The following CAST variants were observed in gnomAD, a reference collection of about 807,000 sequenced individuals.
The protein encoded by CAST is MIR583 host.
CAST carries 76 observed loss-of-function variants against 119.6 expected under a neutral mutation model. The observed-to-expected ratio is 0.64, with a 90% CI of 0.53 to 0.77. The LOEUF is 0.77. CAST is among the 30% of genes least tolerant of loss of function. CAST has a pLI of 0.00. For missense variants in CAST, 953 were observed against 946.5 expected (o/e 1.01, Z -0.09); for synonymous variants, 319 against 331.6 (o/e 0.96, Z 0.41).
At chr5:96,456,895 T>C in the CAST span, among the ~76,000 whole-genome samples, 1 of 152,174 alleles carries the variant, frequency 6.6e-6, no homozygotes, top group Non-Finnish European at 1.5e-5. Flanking sequence ...TATAAGGGGC[T>C]TTTGCCCCTT....
At chr5:96,112,227 G>A in the CAST span, among the ~76,000 whole-genome samples, 1 of 151,980 alleles carries the variant, frequency 6.6e-6, no homozygotes, top group South Asian at 2.1e-4. Context: ...TCTGGGGAAA[G>A]CCAGTGGGAA....
the CAST span, among the ~76,000 whole-genome samples, chr5:96,094,827 G>A: frequency 3.3e-5 from 5 of 152,302 alleles, no homozygotes; most frequent in African/African-American, 1.2e-4. Flanking sequence ...GTTTGGACTT[G>A]TGTATTACAA....
chr5:96,436,807 G>T, the CAST span, among the ~76,000 whole-genome samples: 1 of 152,006 alleles, frequency 6.6e-6, no homozygotes. Context: ...TGATATTGGG[G>T]TTACCACTTA....
At chr5:96,317,066 A>T in the CAST span, among the ~76,000 whole-genome samples, 1 of 152,172 alleles carries the variant, frequency 6.6e-6, no homozygotes, top group Admixed American at 6.5e-5. Flanking sequence ...TAGTTAGATA[A>T]CATACACCGA....
At chr5:95,965,284 A>G in the CAST span, 1 of 152,140 alleles carries the variant, frequency 6.6e-6, no homozygotes, top group Admixed American at 6.5e-5. Flanking sequence ...TAAATCTCCT[A>G]ATATTTATTC....
chr5:96,582,516 G>A (rs976790891), intron 1 of CAST, among the ~76,000 whole-genome samples: 2 of 152,232 alleles, frequency 1.3e-5, no homozygotes, highest in African/African-American at 4.8e-5. Flanking sequence ...CTCGCTGTGT[G>A]TCTAAGATCG....
the CAST span, among the ~76,000 whole-genome samples, chr5:96,453,698 A>T: frequency 6.6e-6 from 1 of 152,254 alleles, no homozygotes; most frequent in East Asian, 1.9e-4. Flanking sequence ...TGCATGGAAT[A>T]TGATTCGTTG....
chr5:96,733,430 A>G (rs1390308248), intron 9 of CAST, among the ~76,000 whole-genome samples: 1 of 152,246 alleles, frequency 6.6e-6, no homozygotes, highest in Admixed American at 6.5e-5. Flanking sequence ...ATCAAAATTT[A>G]CAGTTTTGAG....
the CAST span, chr5:96,421,892 G>A: frequency 6.5e-7 from 1 of 1,544,064 alleles, no homozygotes; most frequent in Non-Finnish European, 8.9e-7. Context: ...GTTCTCGTTT[G>A]TGGGATCATA....
chr5:96,274,325 A>T, the CAST span, among the ~76,000 whole-genome samples: 19 of 151,708 alleles, frequency 1.3e-4, no homozygotes, highest in Non-Finnish European at 2.4e-4. Context: ...GATGGTCTCA[A>T]TCTCCTGACC....
At chr5:96,768,853 AG>A (rs1771034992) in intron 29 of CAST, 1 of 157,852 alleles carries the variant, frequency 6.3e-6, no homozygotes, top group Non-Finnish European at 1.4e-5. Context: ...CCAAAGTTAG[AG>A]GCCTCTCTTC....
chr5:95,977,836 C>T, the CAST span, among the ~76,000 whole-genome samples: 1 of 152,048 alleles, frequency 6.6e-6, no homozygotes, highest in African/African-American at 2.4e-5. Flanking sequence ...CAGTATCTGT[C>T]GTTCCCCTCT....
At chr5:96,254,009 T>G in the CAST span, among the ~76,000 whole-genome samples, 1 of 151,424 alleles carries the variant, frequency 6.6e-6, no homozygotes, top group Non-Finnish European at 1.5e-5. Context: ...GTCACAGACA[T>G]TCCTTGGGAT....
At chr5:96,196,620 A>G in the CAST span, among the ~76,000 whole-genome samples, 4 of 152,212 alleles carry the variant, frequency 2.6e-5, no homozygotes, top group Non-Finnish European at 4.4e-5. Flanking sequence ...TAGCCAGTGC[A>G]AAGGCCCTGA....
the CAST span, among the ~76,000 whole-genome samples, chr5:96,378,623 C>T: frequency 6.6e-6 from 1 of 152,016 alleles, no homozygotes; most frequent in Non-Finnish European, 1.5e-5. Flanking sequence ...GAAAATAGCT[C>T]TAAAGATATC....
At chr5:96,184,783 C>T in the CAST span, among the ~76,000 whole-genome samples, 2 of 152,056 alleles carry the variant, frequency 1.3e-5, no homozygotes, top group Non-Finnish European at 2.9e-5. Flanking sequence ...GATTCCATGC[C>T]TTTGCTATTG....
At chr5:96,647,448 G>C (rs907464777) in intron 1 of CAST, among the ~76,000 whole-genome samples, 1 of 152,036 alleles carries the variant, frequency 6.6e-6, no homozygotes, top group Non-Finnish European at 1.5e-5. Context: ...ACCTTGTGCT[G>C]TTCTAGCCAG....
the CAST span, among the ~76,000 whole-genome samples, chr5:96,333,118 CA>C: frequency 6.6e-6 from 1 of 151,702 alleles, no homozygotes; most frequent in Non-Finnish European, 1.5e-5. Flanking sequence ...CAACGAAGTG[CA>C]AATTGTTGCC....
the CAST span, among the ~76,000 whole-genome samples, chr5:96,025,227 C>T: frequency 2.0e-5 from 3 of 152,118 alleles, no homozygotes. Context: ...CGGGAAAGTC[C>T]AAGATCTAGG....
Sources: gnomAD v4.1 joint callset for allele counts (sites outside exome capture counted in the v4.1 genomes callset) on GRCh38, gnomAD v4.1.1 for gene constraint, MANE v1.5 for transcripts, NCBI Gene and HGNC (gene_info 2026-07-23, HGNC 2026-07-21) for gene names.